The following TERF2 variants were observed in gnomAD, a reference collection of about 807,000 sequenced individuals.
The protein encoded by TERF2 is telomeric repeat-binding factor 2.
A neutral mutation model predicts 56.1 loss-of-function variants in TERF2; 16 were observed. That is an observed-to-expected ratio of 0.29 (90% CI 0.19 to 0.43). The LOEUF (loss-of-function observed/expected upper bound fraction) is 0.43, where lower values mean the gene tolerates loss of function less well. Ranked by LOEUF, TERF2 falls within the 20% of genes least tolerant of loss-of-function variation. The probability of loss-of-function intolerance (pLI) is 1.00; values close to 1 mark genes in which losing one functional copy is unlikely to be tolerated. For missense variants in TERF2, 547 were observed against 712.9 expected, an observed-to-expected ratio of 0.77 and a Z score of 2.65; for synonymous variants, 296 against 282.1, an observed-to-expected ratio of 1.05 and a Z score of -0.50.
chr16:69,371,736 G>A (rs771769055), intron 4 of TERF2, among the ~76,000 whole-genome samples: 3 of 152,008 alleles, frequency 2.0e-5, no homozygotes, highest in Non-Finnish European at 2.9e-5. Context: ...AACTGCTTGA[G>A]CTCAGGAAGT....
chr16:69,368,244 C>T, intron 6 of TERF2, 132 bp downstream of exon 6: 1 of 799,866 alleles, frequency 1.3e-6, no homozygotes, highest in South Asian at 1.7e-5. Context: ...CCCCCAGTGC[C>T]TTGTATGAGT....
chr16:69,381,095 G>A (rs1018441455), intron 3 of TERF2, among the ~76,000 whole-genome samples: 13 of 152,124 alleles, frequency 8.5e-5, no homozygotes, highest in African/African-American at 1.7e-4. Flanking sequence ...GTGAGCCACC[G>A]CGCCCAGCCT....
chr16:69,378,904 G>A (rs1303431698), intron 3 of TERF2, among the ~76,000 whole-genome samples: 5 of 150,948 alleles, frequency 3.3e-5, no homozygotes, highest in Non-Finnish European at 5.9e-5. Context: ...CTGCTTCAAA[G>A]GTTGTGCTAT....
Position 69,361,508 on chromosome 16 carries a change from G to A in TERF2, c.1341-19C>T, listed in dbSNP as rs377181475. 1.2e-4 allele frequency: 185 copies of A among 1,568,730 alleles called. No individual in the cohort carries two copies. Among genetic ancestry groups the A allele is most frequent in the Middle Eastern group, 1.7e-4 (1 of 5,976 alleles). On this transcript the variant is annotated intron_variant, in intron 7 of 9. Transcript: ENST00000254942. Reference sequence around the variant, plus strand: ...GGGTACTCTGAGGGGAGATCAAGGAGAGCACAGGTATAAAACAAATTCACC... The same window carrying A: ...GGGTACTCTGAGGGGAGATCAAGGAAAGCACAGGTATAAAACAAATTCACC...
At chr16:69,366,738 G>A (rs983060480) in intron 7 of TERF2, 69 bp downstream of exon 7, 14 of 1,512,682 alleles carry the variant, frequency 9.3e-6, no homozygotes, top group South Asian at 2.6e-5. Context: ...CTTCATTCAC[G>A]GAAGTAATAC....
At position 69,361,463 on chromosome 16, in the gene TERF2, G is replaced by A. The variant is rs745645971; in HGVS notation, c.1367C>T (p.Ser456Phe). The change falls in exon 8 of 10, where the codon TCT (serine) becomes TTT (phenylalanine). Residue 456 changes from serine (S) to phenylalanine (F), a missense_variant. Ser to Phe is a radical substitution (Grantham distance 155, BLOSUM62 -2). Around this residue, in one of 6 missense-constraint regions of TERF2, gnomAD observed 211 missense variants for 236.8 expected, o/e 0.89. Transcript: ENST00000254942. ...AGTCTCCTTTTCTTCAACCCCATTAGAGCTGTTCCACTTGCCTTTGGGTAC... is the reference window on the plus strand; with the variant it reads ...AGTCTCCTTTTCTTCAACCCCATTAAAGCTGTTCCACTTGCCTTTGGGTAC... Reference protein sequence around the residue: ...PKVPKGKWNSSNGVEEKETWV... With the variant: ...PKVPKGKWNSFNGVEEKETWV... 1.9e-6 allele frequency: 3 copies of A among 1,613,850 alleles called. No individual in the cohort carries two copies. The highest frequency in any genetic ancestry group is 3.3e-5 in the Admixed American group (2 of 60,004).
chr16:69,367,141 T>C lies in TERF2; in HGVS notation c.1006A>G (p.Thr336Ala). 1 of 1,614,072 alleles carries C rather than the reference T, an allele frequency of 6.2e-7. No homozygotes were observed. The highest frequency in any genetic ancestry group is 8.5e-7 in the Non-Finnish European group (1 of 1,180,004). The change falls in exon 7 of 10, where the codon ACT (threonine) becomes GCT (alanine). Residue 336 changes from threonine (T) to alanine (A), a missense_variant. Physicochemically the swap from Thr to Ala is moderately conservative, Grantham distance 58 (BLOSUM62 0). Transcript: ENST00000254942. ...TCAGAATCCTGTGCACCAGACAGAG[T>C]CTTGAAAGCTGCTTTCAGAGTCATC... ...GMMTLKAAFK[T>A]LSGAQDSEAA...
At chr16:69,385,549 C>A in intron 1 of TERF2, 44 bp downstream of exon 1, 1 of 1,556,832 alleles carries the variant, frequency 6.4e-7, no homozygotes. Flanking sequence ...CCCCGGACCC[C>A]CTTCCCCGGC....
In TERF2 at chr16:69,385,965, C is replaced by T; in HGVS notation, c.7G>A (p.Ala3Thr). The T allele has an allele frequency of 1.5e-6, 2 of 1,353,970 alleles. No individual in the cohort carries two copies. Among genetic ancestry groups the T allele is most frequent in the Non-Finnish European group, 9.5e-7 (1 of 1,053,596 alleles). The allele number at this position is 1,353,970 out of a possible 1,614,324, so 83.9% of individuals were successfully genotyped here. ...GCGGGGCCCGCCGTCCCGGCTCCCG[C>T]GGCCATGATAGAAACAGCGTTCCGA... Reference protein sequence around the residue: MAAGAGTAGPASG... With the variant: MATGAGTAGPASG... The change falls in exon 1 of 10, where the codon GCG (alanine) becomes ACG (threonine). Residue 3 changes from alanine (A) to threonine (T), a missense_variant. By Grantham distance (58) the Ala-to-Thr change is moderately conservative (BLOSUM62 0). Around this residue, in one of 6 missense-constraint regions of TERF2, gnomAD observed 85 missense variants for 59.5 expected, o/e 1.43. Transcript: ENST00000254942.
In TERF2 at chr16:69,385,616, C is replaced by T; in HGVS notation, c.356G>A (p.Arg119Lys). 1 of 1,568,400 alleles carries T rather than the reference C, an allele frequency of 6.4e-7. No homozygotes were observed. The highest frequency in any genetic ancestry group is 8.7e-7 in the Non-Finnish European group (1 of 1,154,514). ...AFRGSRYGDF[R>K]QIRDIMQALL... ...ACCCTGCATGATGTCCCGGATCTGT[C>T]TGAAGTCCCCGTACCGGCTACCCCG... Residue 119 changes from arginine (R) to lysine (K), a missense_variant, in exon 1 of 10, where the codon AGA becomes AAA. Arg to Lys is a conservative substitution (Grantham distance 26). Coordinates refer to ENST00000254942, the MANE Select transcript of TERF2 (RefSeq NM_005652.5).
At chr16:69,373,951 T>C (rs1423977397) in intron 3 of TERF2, among the ~76,000 whole-genome samples, 1 of 152,122 alleles carries the variant, frequency 6.6e-6, no homozygotes, top group Non-Finnish European at 1.5e-5. Context: ...TACTAATCTG[T>C]TGCTTCTATC....
intron 7 of TERF2, 140 bp downstream of exon 7, chr16:69,366,667 C>G: frequency 1.8e-5 from 21 of 1,174,740 alleles, no homozygotes; most frequent in Non-Finnish European, 2.2e-5. Flanking sequence ...ACTGGCCACT[C>G]CTGCGTCAAG....
At chr16:69,370,884 A>G (rs1429345978) in intron 4 of TERF2, among the ~76,000 whole-genome samples, 3 of 152,190 alleles carry the variant, frequency 2.0e-5, no homozygotes, top group Non-Finnish European at 2.9e-5. Context: ...TCCAAGATAT[A>G]ATATTAAGTG....
intron 8 of TERF2, 75 bp downstream of exon 8, chr16:69,361,329 A>G (rs770634351): frequency 3.0e-5 from 32 of 1,050,780 alleles, no homozygotes; most frequent in Non-Finnish European, 4.7e-5. Context: ...AGCTTCTGGA[A>G]TATTAACATG....
chr16:69,377,139 G>A (rs867289730), intron 3 of TERF2, among the ~76,000 whole-genome samples: 29 of 150,560 alleles, frequency 1.9e-4, no homozygotes, highest in African/African-American at 4.4e-4. Flanking sequence ...GGAGACGGAG[G>A]TTGCAGTGAG....
rs936321557 is a variant in TERF2, at chr16:69,355,595, T to C, written c.*1303A>G. ...AGAGAAGCAAGACTTTAATGAAGAA[T>C]GCTACAAGTATGGACAATAATTAGT... On this transcript the variant is annotated 3_prime_UTR_variant, in exon 10 of 10. Transcript: ENST00000254942. The C allele has an allele frequency of 6.6e-6, 1 of 152,520 alleles. No individual in the cohort carries two copies. Among genetic ancestry groups the C allele is most frequent in the African/African-American group, 2.4e-5 (1 of 41,466 alleles). 9.4% of individuals were successfully genotyped at this position (152,520 alleles called of 1,614,324 possible).
Position 69,357,054 on chromosome 16 carries a change from C to T in TERF2, c.1473G>A (p.Lys491=). 1 of 1,603,168 alleles carries T rather than the reference C, an allele frequency of 6.2e-7. No homozygotes were observed. Residue 491 remains lysine, a splice_region_variant and synonymous_variant, in exon 10 of 10, where the codon AAG becomes AAA. Transcript: ENST00000254942. The stretch of plus-strand genomic sequence containing the variant: ...CCCACTCGCTTTCTTCTACAGTCCA[C>T]TTCTGCAAAAGAAAACCAAAAGATT... ...DSTTNITKKQ[K]WTVEESEWVK...
At chr16:69,375,054 G>A (rs1011875818) in intron 3 of TERF2, among the ~76,000 whole-genome samples, 3 of 152,060 alleles carry the variant, frequency 2.0e-5, no homozygotes, top group African/African-American at 7.2e-5. Context: ...TCTGTATAAG[G>A]CCTTTAAGGT....
intron 5 of TERF2, 24 bp from the exon 6 acceptor site, chr16:69,368,506 G>A: frequency 6.2e-7 from 1 of 1,613,436 alleles, no homozygotes; most frequent in East Asian, 2.2e-5. Flanking sequence ...GATGTCATCA[G>A]GAAGAAGAGG....
Sources: allele counts gnomAD v4.1 joint callset (sites outside exome capture counted in the v4.1 genomes callset), GRCh38; gene constraint gnomAD v4.1.1; regional missense constraint gnomAD v4.1.1; transcripts MANE v1.5; gene names NCBI Gene and HGNC (gene_info 2026-07-23, HGNC 2026-07-21).